Variants in H3-3B observed in about 807,000 individuals in gnomAD.
H3-3B encodes histone H3.3.
A neutral mutation model predicts 13.1 loss-of-function variants in H3-3B; 2 were observed. The ratio of observed to expected loss-of-function variants is 0.15; its 90% CI spans 0.06 to 0.48. H3-3B has a LOEUF of 0.48. Among genes scored for constraint, H3-3B ranks in the 20% least tolerant of loss-of-function variants. H3-3B has a pLI of 0.97. For missense variants in H3-3B, 39 were observed against 186.0 expected, an observed-to-expected ratio of 0.21 and a Z score of 4.60; for synonymous variants, 133 against 75.8, an observed-to-expected ratio of 1.76 and a Z score of -3.92.
chr17:75,779,103 T>C lies in H3-3B; in HGVS notation c.72A>G (p.Lys24=). ...GKAPRKQLAT[K]AARKSAPSTG... ...TAGAGGGAGCGCTTTTCCTGGCGGC[T>C]TTCGTGGCCAGCTGTTTGCGGGGGG... The change falls in exon 2 of 4, where the codon AAA becomes AAG. Residue 24 remains lysine (K), a synonymous_variant. Coordinates refer to ENST00000254810, the MANE Select transcript of H3-3B (RefSeq NM_005324.5). The C allele has an allele frequency of 6.2e-7, 1 of 1,607,718 alleles. No homozygotes were observed. Among genetic ancestry groups the C allele is most frequent in the Non-Finnish European group, 8.5e-7 (1 of 1,177,528 alleles).
At position 75,777,072 on chromosome 17, in the gene H3-3B, A is replaced by T. The variant is rs1428039893; in HGVS notation, c.*1523T>A. ...CTAACTTCAAACGTGGAACGCTTTG[A>T]TGACTGCTGGCTCTCATGCTGTCTC... is the stretch of plus-strand genomic sequence containing the variant. On this transcript the variant is annotated 3_prime_UTR_variant, in exon 4 of 4. Transcript: ENST00000254810. 2.6e-5 allele frequency: 4 copies of T among 152,208 alleles called. No homozygotes were observed. Among genetic ancestry groups the T allele is most frequent in the African/African-American group, 9.7e-5 (4 of 41,442 alleles). 9.4% of individuals were successfully genotyped at this position (152,208 alleles called of 1,614,324 possible).
At position 75,777,903 on chromosome 17, in the gene H3-3B, G is replaced by A. The variant is rs1341817752; in HGVS notation, c.*692C>T. ...GAGGGTTAACATGTGGTAGAATGAG[G>A]ACTTATGCAAGGTATAAATGCGCAT... On this transcript the variant is annotated 3_prime_UTR_variant, in exon 4 of 4. Coordinates refer to ENST00000254810, the MANE Select transcript of H3-3B (RefSeq NM_005324.5). 6.6e-6 allele frequency: 1 copy of A among 152,586 alleles called. No individual in the cohort carries two copies. Among genetic ancestry groups the A allele is most frequent in the Non-Finnish European group, 1.5e-5 (1 of 68,032 alleles). 9.5% of individuals were successfully genotyped at this position (152,586 alleles called of 1,614,324 possible). A position where few individuals can be genotyped will look rare whatever the true frequency, so the allele number is the denominator to read the frequency against.
Position 75,777,513 on chromosome 17 carries a change from A to G in H3-3B, c.*1082T>C, listed in dbSNP as rs2061644265. The G allele has an allele frequency of 6.6e-6, 1 of 152,630 alleles. No homozygotes were observed. Among genetic ancestry groups the G allele is most frequent in the Non-Finnish European group, 1.5e-5 (1 of 68,044 alleles). The allele number at this position is 152,630 out of a possible 1,614,324, so 9.5% of individuals were successfully genotyped here. A position where few individuals can be genotyped will look rare whatever the true frequency, so the allele number is the denominator to read the frequency against. On this transcript the variant is annotated 3_prime_UTR_variant, in exon 4 of 4. Transcript: ENST00000254810. ...GTCAACATACATAATTGACCTAAAAACTTCAGTAAATTTTAAAACCACTTG... is the reference window on the plus strand; with the variant it reads ...GTCAACATACATAATTGACCTAAAAGCTTCAGTAAATTTTAAAACCACTTG...
chr17:75,778,489 A>G lies in H3-3B; in HGVS notation c.*106T>C. 1.4e-6 allele frequency: 2 copies of G among 1,449,154 alleles called. No homozygotes were observed. Among genetic ancestry groups the G allele is most frequent in the South Asian group, 1.3e-5 (1 of 75,462 alleles). The allele number at this position is 1,449,154 out of a possible 1,614,324, so 89.8% of individuals were successfully genotyped here. On this transcript the variant is annotated 3_prime_UTR_variant, in exon 4 of 4. Transcript: ENST00000254810. Reference sequence around the variant, plus strand: ...CCTGAGTGAAAGATGGAATGACTTAAGTACAAATGCAACATATTATAAACA... The same window carrying G: ...CCTGAGTGAAAGATGGAATGACTTAGGTACAAATGCAACATATTATAAACA...
In H3-3B at chr17:75,777,654, A is replaced by G. The variant is rs988549010; in HGVS notation, c.*941T>C. On this transcript the variant is annotated 3_prime_UTR_variant, in exon 4 of 4. Transcript: ENST00000254810. ...CTGGAGTTTTGTGCTCCTCCCCCAC[A>G]CCAAGTTTTTATAATACAAATGCCA... The G allele has an allele frequency of 2.6e-5, 4 of 152,452 alleles. No individual in the cohort carries two copies. Among genetic ancestry groups the G allele is most frequent in the African/African-American group, 9.7e-5 (4 of 41,440 alleles). The allele number at this position is 152,452 out of a possible 1,614,324, so 9.4% of individuals were successfully genotyped here. A position where few individuals can be genotyped will look rare whatever the true frequency, so the allele number is the denominator to read the frequency against.
chr17:75,777,297 G>C lies in H3-3B; in HGVS notation c.*1298C>G, dbSNP rs544402505. ...TATTATGGCATCTTAATCAAGCAGA[G>C]AGCTGTTCACATGCTTTCTACAGTA... is the stretch of plus-strand genomic sequence containing the variant. On this transcript the variant is annotated 3_prime_UTR_variant, in exon 4 of 4. Coordinates refer to ENST00000254810, the MANE Select transcript of H3-3B (RefSeq NM_005324.5). 5 of 152,286 alleles carry C rather than the reference G, an allele frequency of 3.3e-5. No individual in the cohort carries two copies. Among genetic ancestry groups the C allele is most frequent in the Admixed American group, 6.5e-5 (1 of 15,272 alleles). 9.4% of individuals were successfully genotyped at this position (152,286 alleles called of 1,614,324 possible). A position where few individuals can be genotyped will look rare whatever the true frequency, so the allele number is the denominator to read the frequency against.
intron 1 of H3-3B, 145 bp from the exon 2 acceptor site, chr17:75,779,329 GCCAA>G: frequency 1.2e-6 from 1 of 828,400 alleles, no homozygotes; most frequent in East Asian, 3.4e-5. Context: ...GCCGAGGGCC[GCCAA>G]CCTCCTCCCC....
At chr17:75,779,358 C>CA in intron 1 of H3-3B, 174 bp from the exon 2 acceptor site, 1 of 579,096 alleles carries the variant, frequency 1.7e-6, no homozygotes, top group Non-Finnish European at 2.6e-6. Flanking sequence ...CCTAATGACT[C>CA]AGGCTGCGAG....
chr17:75,779,341 C>T (rs1599344047), intron 1 of H3-3B, 157 bp from the exon 2 acceptor site: 4 of 719,966 alleles, frequency 5.6e-6, no homozygotes, highest in African/African-American at 1.8e-5. Flanking sequence ...CAACCTCCTC[C>T]CCCTCCCCTA....
chr17:75,779,398 G>T, intron 1 of H3-3B: 1 of 403,024 alleles, frequency 2.5e-6, no homozygotes, highest in Non-Finnish European at 4.2e-6. Context: ...GAGGGGGAGC[G>T]CGGGGAGGAG....
In H3-3B at chr17:75,778,921, C is replaced by T. The variant is rs367605635; in HGVS notation, c.171G>A (p.Lys57=). The change falls in exon 3 of 4, where the codon AAG becomes AAA. Residue 57 remains lysine (K), a synonymous_variant. Transcript: ENST00000254810. ...VALREIRRYQ[K]STELLIRKLP... ...GCTTCCGGATGAGCAGCTCGGTCGACTTCTGATAACGACGAATCTCTCGAA... is the reference window on the plus strand; with the variant it reads ...GCTTCCGGATGAGCAGCTCGGTCGATTTCTGATAACGACGAATCTCTCGAA... 34 of 1,614,064 alleles carry T rather than the reference C, an allele frequency of 2.1e-5. No homozygotes were observed. Among genetic ancestry groups the T allele is most frequent in the Non-Finnish European group, 2.6e-5 (31 of 1,180,048 alleles).
At position 75,777,099 on chromosome 17, in the gene H3-3B, C is replaced by CT. The variant is rs1358079949; in HGVS notation, c.*1495dup. On this transcript the variant is annotated 3_prime_UTR_variant, in exon 4 of 4. Coordinates refer to ENST00000254810, the MANE Select transcript of H3-3B (RefSeq NM_005324.5). ...GACTGCTGGCTCTCATGCTGTCTCA[C>CT]TGACATCCACGTACTATGCTTTAGT... 6.6e-6 allele frequency: 1 copy of CT among 152,212 alleles called. No individual in the cohort carries two copies. The highest frequency in any genetic ancestry group is 6.5e-5 in the Admixed American group (1 of 15,280). The allele number at this position is 152,212 out of a possible 1,614,324, so 9.4% of individuals were successfully genotyped here.
rs748212257 is a variant in H3-3B, at chr17:75,776,629, T to G, written c.*1966A>C. ...CTCAAGCCAAGTGTGGAAATGCAAG[T>G]CACTGCTTCGGCAGATTGCAAGCTG... On this transcript the variant is annotated 3_prime_UTR_variant, in exon 4 of 4. Coordinates refer to ENST00000254810, the MANE Select transcript of H3-3B (RefSeq NM_005324.5). The G allele has an allele frequency of 2.6e-5, 4 of 152,194 alleles. No homozygotes were observed. The highest frequency in any genetic ancestry group is 4.4e-5 in the Non-Finnish European group (3 of 68,040). The allele number at this position is 152,194 out of a possible 1,614,324, so 9.4% of individuals were successfully genotyped here. A position where few individuals can be genotyped will look rare whatever the true frequency, so the allele number is the denominator to read the frequency against.
At chr17:75,779,360 G>C in intron 1 of H3-3B, 176 bp from the exon 2 acceptor site, 2 of 562,262 alleles carry the variant, frequency 3.6e-6, no homozygotes, top group Middle Eastern at 5.3e-4. Flanking sequence ...TAATGACTCA[G>C]GCTGCGAGGA....
In H3-3B at chr17:75,779,089, CT is replaced by C; in HGVS notation, c.85del (p.Ser29AlafsTer8). ...CTTCACCCCGCCGGTAGAGGGAGCG[CT>C]TTTCCTGGCGGCTTTCGTGGCCAGC... ...KQLATKAARK[S>X]APSTGGVKKP... On this transcript the variant is annotated frameshift_variant, in exon 2 of 4. Transcript: ENST00000254810. LOFTEE classifies it high-confidence loss of function. 6.2e-7 allele frequency: 1 copy of C among 1,607,190 alleles called. No homozygotes were observed. The highest frequency in any genetic ancestry group is 8.5e-7 in the Non-Finnish European group (1 of 1,177,398).
chr17:75,777,395 C>T lies in H3-3B; in HGVS notation c.*1200G>A, dbSNP rs1426405174. ...GATCTAAGTTCAAAACATTAGTATA[C>T]AAGGACCTAGATAATGGGACATGTG... On this transcript the variant is annotated 3_prime_UTR_variant, in exon 4 of 4. Coordinates refer to ENST00000254810, the MANE Select transcript of H3-3B (RefSeq NM_005324.5). 6.6e-6 allele frequency: 1 copy of T among 152,588 alleles called. No homozygotes were observed. The highest frequency in any genetic ancestry group is 1.5e-5 in the Non-Finnish European group (1 of 68,012). 9.5% of individuals were successfully genotyped at this position (152,588 alleles called of 1,614,324 possible). A position where few individuals can be genotyped will look rare whatever the true frequency, so the allele number is the denominator to read the frequency against.
Position 75,778,467 on chromosome 17 carries a change from G to A in H3-3B, c.*128C>T, listed in dbSNP as rs750599478. On this transcript the variant is annotated 3_prime_UTR_variant, in exon 4 of 4. Transcript: ENST00000254810. ...AACAGTCACTTTTCGCATTCATCCTGAGTGAAAGATGGAATGACTTAAGTA... is the reference window on the plus strand; with the variant it reads ...AACAGTCACTTTTCGCATTCATCCTAAGTGAAAGATGGAATGACTTAAGTA... The A allele has an allele frequency of 3.0e-6, 4 of 1,312,378 alleles. No homozygotes were observed. In the Admixed American group the frequency reaches 6.5e-5, roughly 21 times the overall value. 81.3% of individuals were successfully genotyped at this position (1,312,378 alleles called of 1,614,324 possible).
chr17:75,777,644 C>A lies in H3-3B; in HGVS notation c.*951G>T. 1 of 151,594 alleles carries A rather than the reference C, an allele frequency of 6.6e-6. No individual in the cohort carries two copies. Among genetic ancestry groups the A allele is most frequent in the South Asian group, 2.1e-4 (1 of 4,798 alleles). 9.4% of individuals were successfully genotyped at this position (151,594 alleles called of 1,614,324 possible). A position where few individuals can be genotyped will look rare whatever the true frequency, so the allele number is the denominator to read the frequency against. On this transcript the variant is annotated 3_prime_UTR_variant, in exon 4 of 4. Coordinates refer to ENST00000254810, the MANE Select transcript of H3-3B (RefSeq NM_005324.5). ...GTTCAGTGGGCTGGAGTTTTGTGCT[C>A]CTCCCCCACACCAAGTTTTTATAAT...
intron 1 of H3-3B, 142 bp downstream of exon 1, chr17:75,779,515 C>T (rs1348545035): frequency 5.4e-6 from 1 of 185,090 alleles, no homozygotes; most frequent in East Asian, 1.3e-4. Context: ...GAACAAAGCC[C>T]CAAGGGGAAA....
Sources: allele counts gnomAD v4.1 joint callset, GRCh38; gene constraint gnomAD v4.1.1; transcripts MANE v1.5; gene names NCBI Gene and HGNC (gene_info 2026-07-23, HGNC 2026-07-21).